Variants in CUX1 observed in about 807,000 individuals in gnomAD.
The protein encoded by CUX1 is cut like homeobox 1.
CUX1 carries 31 observed loss-of-function variants against 158.8 expected under a neutral mutation model. The observed-to-expected ratio is 0.20, with a 90% CI of 0.15 to 0.26. The LOEUF is 0.26. CUX1 is among the 10% of genes least tolerant of loss of function. CUX1 has a pLI of 1.00. For synonymous variants in CUX1, 879 were observed against 862.1 expected, an observed-to-expected ratio of 1.02 and a Z score of -0.34; for missense variants, 1,589 against 2,014.6, an observed-to-expected ratio of 0.79 and a Z score of 4.04.
intron 8 of CUX1, among the ~76,000 whole-genome samples, chr7:102,147,667 G>T (rs1835164933): frequency 1.3e-5 from 2 of 152,184 alleles, no homozygotes; most frequent in South Asian, 4.1e-4. Flanking sequence ...TGTCTGTCAA[G>T]AAGACAGGGG....
intron 8 of CUX1, among the ~76,000 whole-genome samples, chr7:102,154,618 A>AAATG (rs555556843): frequency 7.4e-4 from 113 of 151,942 alleles, no homozygotes; most frequent in African/African-American, 2.6e-3. Flanking sequence ...ATAAATAAAT[A>AAATG]AATAAATAAA....
At chr7:102,011,629 C>T (rs1818039970) in intron 2 of CUX1, among the ~76,000 whole-genome samples, 1 of 151,428 alleles carries the variant, frequency 6.6e-6, no homozygotes, top group South Asian at 2.1e-4. Context: ...GACCTGCCCA[C>T]CTTGGCCTCC....
At chr7:101,937,297 A>G (rs1210122428) in intron 2 of CUX1, among the ~76,000 whole-genome samples, 5 of 152,136 alleles carry the variant, frequency 3.3e-5, no homozygotes, top group East Asian at 3.9e-4. Context: ...CTTAGCATCA[A>G]TGTTTAGACC....
At chr7:102,100,100 C>T (rs1829625005) in intron 5 of CUX1, among the ~76,000 whole-genome samples, 1 of 151,976 alleles carries the variant, frequency 6.6e-6, no homozygotes, top group Non-Finnish European at 1.5e-5. Flanking sequence ...GCCAACATGA[C>T]GAAACCCCAT....
At chr7:101,939,541 G>T (rs1232833713) in intron 2 of CUX1, among the ~76,000 whole-genome samples, 1 of 152,006 alleles carries the variant, frequency 6.6e-6, no homozygotes, top group Non-Finnish European at 1.5e-5. Context: ...TTTAAAGAAG[G>T]AGGTTTTGGG....
intron 2 of CUX1, among the ~76,000 whole-genome samples, chr7:102,006,003 C>T (rs902278172): frequency 2.0e-5 from 3 of 152,234 alleles, no homozygotes; most frequent in African/African-American, 2.4e-5. Context: ...TTTTGGAAGC[C>T]GATGGAAGAT....
intron 22 of CUX1, among the ~76,000 whole-genome samples, chr7:102,238,368 A>G (rs374825012): frequency 3.3e-5 from 5 of 152,368 alleles, no homozygotes; most frequent in African/African-American, 1.2e-4. Flanking sequence ...CTGTCTGGGC[A>G]TAACAGAAGG....
intron 9 of CUX1, among the ~76,000 whole-genome samples, chr7:102,164,959 C>T (rs1790848550): frequency 1.3e-5 from 2 of 152,108 alleles, no homozygotes. Context: ...AAACCAGGGA[C>T]TTCAAAGGCC....
chr7:102,101,804 C>T (rs782675167), intron 5 of CUX1, among the ~76,000 whole-genome samples: 3 of 151,792 alleles, frequency 2.0e-5, no homozygotes, highest in East Asian at 1.9e-4. Flanking sequence ...CCCAGCTCTT[C>T]GGGAGACTGA....
chr7:101,998,808 CGTCAGT>C (rs1816303461), intron 2 of CUX1, among the ~76,000 whole-genome samples: 1 of 152,190 alleles, frequency 6.6e-6, no homozygotes, highest in African/African-American at 2.4e-5. Context: ...TCCCTCTAAA[CGTCAGT>C]GTCCAGCTCT....
intron 23 of CUX1, among the ~76,000 whole-genome samples, chr7:102,246,844 G>A (rs1021182689): frequency 1.3e-5 from 2 of 152,160 alleles, no homozygotes; most frequent in Non-Finnish European, 2.9e-5. Context: ...TGCTGGGATT[G>A]CAGGCGTGAG....
chr7:102,199,927 A>C (rs1586176934), intron 16 of CUX1, 144 bp from the exon 17 acceptor site: 1 of 600,882 alleles, frequency 1.7e-6, no homozygotes, highest in African/African-American at 1.9e-5. Flanking sequence ...ACTCACAGCA[A>C]ACACAGGCCA....
At chr7:101,911,896 C>T (rs1018793403) in intron 1 of CUX1, among the ~76,000 whole-genome samples, 1 of 152,250 alleles carries the variant, frequency 6.6e-6, no homozygotes, top group African/African-American at 2.4e-5. Flanking sequence ...TGACATCAGT[C>T]ATCCTGTGAT....
chr7:102,198,722 AT>A, intron 15 of CUX1, 79 bp from the exon 16 acceptor site: 1 of 1,293,542 alleles, frequency 7.7e-7, no homozygotes. Context: ...GGCGGCTCAG[AT>A]TTCATGTCAC....
At chr7:102,274,423 G>A in intron 16 of CUX1, 2 of 862,342 alleles carry the variant, frequency 2.3e-6, no homozygotes, top group Admixed American at 2.5e-5. Flanking sequence ...AGAAGGTCAG[G>A]CCCCCACGCC....
At chr7:101,981,413 C>T (rs188961117) in intron 2 of CUX1, among the ~76,000 whole-genome samples, 1 of 152,158 alleles carries the variant, frequency 6.6e-6, no homozygotes, top group Non-Finnish European at 1.5e-5. Flanking sequence ...TGATAAATCT[C>T]AGTTCAGGGC....
chr7:102,090,337 A>G (rs1828416892), intron 4 of CUX1, among the ~76,000 whole-genome samples: 1 of 151,242 alleles, frequency 6.6e-6, no homozygotes, highest in Non-Finnish European at 1.5e-5. Context: ...GTTGAAACTC[A>G]GCTAGTCAAT....
intron 2 of CUX1, among the ~76,000 whole-genome samples, chr7:101,925,395 G>T (rs950277962): frequency 6.6e-6 from 1 of 152,194 alleles, no homozygotes; most frequent in Admixed American, 6.5e-5. Flanking sequence ...ACAGGCATGA[G>T]GCACAGTGCC....
chr7:102,213,419 A>G (rs912991248), intron 20 of CUX1, among the ~76,000 whole-genome samples: 3 of 152,226 alleles, frequency 2.0e-5, no homozygotes, highest in African/African-American at 7.2e-5. Context: ...GGGCCAAGCT[A>G]GTATGGAACC....
Sources: allele counts gnomAD v4.1 joint callset (sites outside exome capture counted in the v4.1 genomes callset), GRCh38; gene constraint gnomAD v4.1.1; transcripts MANE v1.5; gene names NCBI Gene and HGNC (gene_info 2026-07-23, HGNC 2026-07-21).